The following CPLANE1 variants were observed in gnomAD, a reference collection of about 807,000 sequenced individuals.
The protein encoded by CPLANE1 is ciliogenesis and planar polarity effector 1.
Under a neutral mutation model 362.5 loss-of-function variants are expected in CPLANE1, and 263 were observed. The observed-to-expected ratio is 0.73, with a 90% CI of 0.66 to 0.80. CPLANE1 has a LOEUF of 0.80. CPLANE1 is among the 30% of genes least tolerant of loss of function. The pLI is 0.00. For synonymous variants in CPLANE1, 1,212 were observed against 1,302.6 expected, an observed-to-expected ratio of 0.93 and a Z score of 1.50; for missense variants, 3,461 against 3,793.4, an observed-to-expected ratio of 0.91 and a Z score of 2.30.
In CPLANE1 at chr5:37,227,322, T is replaced by C; in HGVS notation, c.1442A>G (p.Asn481Ser). The stretch of plus-strand genomic sequence containing the variant: ...GACAGTGAAATCGGCTGAACTTTCA[T>C]TTCCTTGGTGTTCTAACAGGCTAGA... ...LRSSLLEHQG[N>S]ESSADFTVPK... is the part of the protein sequence containing the mutation. Residue 481 changes from asparagine to serine, a missense_variant, in exon 11 of 53, where the codon AAT becomes AGT. This residue lies in a region of CPLANE1 where 3,380 missense variants were observed against 3,666.1 expected (regional missense o/e 0.92). Transcript: ENST00000651892. 6.4e-7 allele frequency: 1 copy of C among 1,552,158 alleles called. No individual in the cohort carries two copies. Among genetic ancestry groups the C allele is most frequent in the Non-Finnish European group, 8.7e-7 (1 of 1,147,026 alleles).
chr5:37,148,157 C>T (rs771656110), intron 43 of CPLANE1, 24 bp downstream of exon 43: 1 of 1,573,724 alleles, frequency 6.4e-7, no homozygotes, highest in Non-Finnish European at 8.7e-7. Context: ...AGACTTCAGC[C>T]AGCCCCTATC....
At chr5:37,189,999 CAA>C (rs554351876) in intron 21 of CPLANE1, among the ~76,000 whole-genome samples, 2 of 134,504 alleles carry the variant, frequency 1.5e-5, no homozygotes, top group Admixed American at 7.5e-5. Context: ...GATTTTGTCT[CAA>C]AAAAAAAAAG....
chr5:37,238,247 ATGGCAACCTCC>A (rs1799461979), intron 8 of CPLANE1, among the ~76,000 whole-genome samples: 1 of 152,120 alleles, frequency 6.6e-6, no homozygotes, highest in Non-Finnish European at 1.5e-5. Flanking sequence ...ATCTCAGCTC[ATGGCAACCTCC>A]GCCTCCTGGG....
In CPLANE1 at chr5:37,239,754, C is replaced by A; in HGVS notation, c.793G>T (p.Gly265Cys). 1 of 1,544,168 alleles carries A rather than the reference C, an allele frequency of 6.5e-7. No individual in the cohort carries two copies. Among genetic ancestry groups the A allele is most frequent in the Non-Finnish European group, 8.7e-7 (1 of 1,142,930 alleles). ...TTAAGAGTTACTGCCAGGGTAAGGC[C>A]ATCTCTTGAAAAGGCAGAAATTAGA... Reference protein sequence around the residue: ...GALISAFSRDGLTLAVTLNQK... With the variant: ...GALISAFSRDCLTLAVTLNQK... Residue 265 changes from glycine (G) to cysteine (C), a missense_variant, in exon 7 of 53, where the codon GGC becomes TGC. This residue lies in a region of CPLANE1 where 3,380 missense variants were observed against 3,666.1 expected (regional missense o/e 0.92). Transcript: ENST00000651892.
At chr5:37,153,247 C>T (rs1259788760) in intron 42 of CPLANE1, among the ~76,000 whole-genome samples, 1 of 152,116 alleles carries the variant, frequency 6.6e-6, no homozygotes, top group Non-Finnish European at 1.5e-5. Flanking sequence ...AAACTTTAAG[C>T]ATCTTCAGGG....
chr5:37,169,576 A>G lies in CPLANE1; in HGVS notation c.6463-15T>C. 6.4e-7 allele frequency: 1 copy of G among 1,559,878 alleles called. No individual in the cohort carries two copies. The highest frequency in any genetic ancestry group is 8.7e-7 in the Non-Finnish European group (1 of 1,155,448). On this transcript the variant is annotated splice_polypyrimidine_tract_variant and intron_variant, in intron 33 of 52. Transcript: ENST00000651892. ...TGTGGAACATTCTGGAAGAGAAAAAAGATATTATGTAAGTTTAGAATATAT... is the reference window on the plus strand; with the variant it reads ...TGTGGAACATTCTGGAAGAGAAAAAGGATATTATGTAAGTTTAGAATATAT...
intron 8 of CPLANE1, among the ~76,000 whole-genome samples, chr5:37,237,162 C>A (rs563369971): frequency 2.4e-4 from 37 of 152,224 alleles, no homozygotes; most frequent in Admixed American, 2.6e-4. Context: ...CATCACTATT[C>A]ACAATAGCAA....
chr5:37,179,058 G>A (rs1216862502), intron 29 of CPLANE1, among the ~76,000 whole-genome samples: 2 of 152,168 alleles, frequency 1.3e-5, no homozygotes, highest in Admixed American at 6.5e-5. Flanking sequence ...GCCATGCTTG[G>A]CCATACTTCC....
At chr5:37,097,963 T>C in the CPLANE1 span, among the ~76,000 whole-genome samples, 1 of 152,026 alleles carries the variant, frequency 6.6e-6, no homozygotes, top group Admixed American at 6.6e-5. Context: ...GACAAAGCAA[T>C]TAATTCATCA....
In CPLANE1 at chr5:37,115,027, C is replaced by A; in HGVS notation, c.9333G>T (p.Gln3111His). ...WPHGTATFTIQKKAGGAKAAV... is the reference protein window; with the variant it reads ...WPHGTATFTIHKKAGGAKAAV... ...CTGCTTTGGCTCCACCAGCTTTTTTCTGTATGGTGAAAGTGGCAGTTCCTA... is the reference window on the plus strand; with the variant it reads ...CTGCTTTGGCTCCACCAGCTTTTTTATGTATGGTGAAAGTGGCAGTTCCTA... The change falls in exon 51 of 53, where the codon CAG becomes CAT. Residue 3111 changes from glutamine to histidine, a missense_variant. Coordinates refer to ENST00000651892, the MANE Select transcript of CPLANE1 (RefSeq NM_001384732.1). 6.2e-7 allele frequency: 1 copy of A among 1,609,366 alleles called. No homozygotes were observed. The highest frequency in any genetic ancestry group is 8.5e-7 in the Non-Finnish European group (1 of 1,176,936).
the CPLANE1 span, among the ~76,000 whole-genome samples, chr5:37,077,588 T>TTGTG: frequency 2.2e-4 from 32 of 145,628 alleles, no homozygotes; most frequent in African/African-American, 8.0e-4. Context: ...ATCAAGAAAC[T>TTGTG]TGTGTGTGTG....
chr5:37,245,297 CTATATA>C (rs57781968), intron 4 of CPLANE1, among the ~76,000 whole-genome samples, 176 bp downstream of exon 4: 3,711 of 58,842 alleles, frequency 0.063, 138 homozygotes, highest in Non-Finnish European at 0.075. Flanking sequence ...ATAACCAAAA[CTATATA>C]TATATATATA....
chr5:37,088,164 G>C, the CPLANE1 span, among the ~76,000 whole-genome samples: 4 of 152,324 alleles, frequency 2.6e-5, no homozygotes, highest in Middle Eastern at 3.4e-3. Flanking sequence ...AGGGCCTCAA[G>C]AGCCATTTGT....
Position 37,201,828 on chromosome 5 carries a change from G to A in CPLANE1, c.3290-20C>T, listed in dbSNP as rs777363732. ...TGGGATCTATCAAATACAAAAATTT[G>A]GTAAAATAGTTAAAGCTTGTATTAA... On this transcript the variant is annotated intron_variant, in intron 18 of 52. Transcript: ENST00000651892. 3.0e-5 allele frequency: 47 copies of A among 1,547,208 alleles called. No individual in the cohort carries two copies. The Middle Eastern group carries it at 5.2e-4, about 17-fold the overall frequency.
At chr5:37,203,378 T>A (rs541441049) in intron 18 of CPLANE1, among the ~76,000 whole-genome samples, 1 of 152,188 alleles carries the variant, frequency 6.6e-6, no homozygotes, top group Admixed American at 6.5e-5. Flanking sequence ...AATTTGTTCC[T>A]CTTCACTATT....
Position 37,168,890 on chromosome 5 carries a change from T to A in CPLANE1, c.7134A>T (p.Ala2378=), listed in dbSNP as rs201397619. The change falls in exon 34 of 53, where the codon GCA becomes GCT. Residue 2378 remains alanine (A), a synonymous_variant. Transcript: ENST00000651892. ...PPNMFPSTSR[A]SITVPSTPIQ... The stretch of plus-strand genomic sequence containing the variant: ...TAGGTGTTGAGGGAACTGTAATAGA[T>A]GCTCTTGAGGTTGATGGAAACATAT... 5.6e-6 allele frequency: 9 copies of A among 1,614,072 alleles called. No homozygotes were observed. Among genetic ancestry groups the A allele is most frequent in the Non-Finnish European group, 6.8e-6 (8 of 1,180,010 alleles).
intron 21 of CPLANE1, among the ~76,000 whole-genome samples, chr5:37,188,246 T>C (rs1022917433): frequency 2.6e-5 from 4 of 152,222 alleles, no homozygotes; most frequent in Non-Finnish European, 5.9e-5. Flanking sequence ...CAATATGGTG[T>C]TCCATTGTAT....
chr5:37,148,067 CTT>C, intron 43 of CPLANE1, 112 bp downstream of exon 43: 1 of 447,622 alleles, frequency 2.2e-6, no homozygotes, highest in Non-Finnish European at 3.8e-6. Flanking sequence ...AAGCTTATGA[CTT>C]CAGCTCACAT....
chr5:37,241,545 T>A (rs1221581704), intron 6 of CPLANE1, among the ~76,000 whole-genome samples: 1 of 152,144 alleles, frequency 6.6e-6, no homozygotes, highest in Non-Finnish European at 1.5e-5. Flanking sequence ...CTATAATTGA[T>A]CCAAGTGATA....
Sources: gnomAD v4.1 joint callset for allele counts (sites outside exome capture counted in the v4.1 genomes callset) on GRCh38, gnomAD v4.1.1 for gene constraint, gnomAD v4.1.1 regional missense constraint, MANE v1.5 for transcripts, NCBI Gene and HGNC (gene_info 2026-07-23, HGNC 2026-07-21) for gene names.